TRIM37: variants seen among roughly 807,000 people sequenced by gnomAD.
TRIM37 encodes the protein tripartite motif containing 37.
A neutral mutation model predicts 129.8 loss-of-function variants in TRIM37; 80 were observed. The observed-to-expected ratio is 0.62, with a 90% CI of 0.51 to 0.74. The LOEUF (loss-of-function observed/expected upper bound fraction) is 0.74, where lower values mean the gene tolerates loss of function less well. Ranked by LOEUF, TRIM37 falls within the 30% of genes least tolerant of loss-of-function variation. The pLI is 0.00. For synonymous variants in TRIM37, 389 were observed against 387.1 expected, an observed-to-expected ratio of 1.00 and a Z score of -0.06; for missense variants, 1,054 against 1,176.5, an observed-to-expected ratio of 0.90 and a Z score of 1.52.
intron 2 of TRIM37, among the ~76,000 whole-genome samples, chr17:59,093,584 C>G (rs979183680): frequency 6.6e-6 from 1 of 152,188 alleles, no homozygotes; most frequent in Non-Finnish European, 1.5e-5. Flanking sequence ...TACTTTATTA[C>G]GACGACTTAT....
chr17:59,001,570 C>T, intron 23 of TRIM37, 28 bp downstream of exon 23: 1 of 1,613,204 alleles, frequency 6.2e-7, no homozygotes, highest in Non-Finnish European at 8.5e-7. Context: ...TTTTAGTAAT[C>T]TGTGTAAAAT....
chr17:59,019,571 G>A (rs947235532), intron 19 of TRIM37, among the ~76,000 whole-genome samples: 1 of 152,100 alleles, frequency 6.6e-6, no homozygotes, highest in Non-Finnish European at 1.5e-5. Context: ...AGCTGGGCAT[G>A]GTGGCGCACA....
the TRIM37 span, among the ~76,000 whole-genome samples, chr17:58,976,981 G>C: frequency 6.6e-6 from 1 of 151,916 alleles, no homozygotes; most frequent in African/African-American, 2.4e-5. Context: ...ATCCCATATT[G>C]GATTTTATTT....
intron 18 of TRIM37, among the ~76,000 whole-genome samples, chr17:59,030,750 T>TA (rs1224220303): frequency 6.6e-6 from 1 of 152,228 alleles, no homozygotes; most frequent in Non-Finnish European, 1.5e-5. Flanking sequence ...TGAATATTTT[T>TA]AAACATCTGC....
chr17:59,072,501 G>A (rs2042457818), intron 8 of TRIM37, among the ~76,000 whole-genome samples: 1 of 152,116 alleles, frequency 6.6e-6, no homozygotes. Flanking sequence ...GCTGAGGCGG[G>A]TGGATCACTT....
intron 19 of TRIM37, among the ~76,000 whole-genome samples, chr17:59,020,609 G>C (rs1217854400): frequency 6.6e-6 from 1 of 152,046 alleles, no homozygotes; most frequent in Admixed American, 6.6e-5. Flanking sequence ...TAATGACCAG[G>C]ATCTCAAACA....
At chr17:59,017,502 T>A in intron 19 of TRIM37, 78 bp from the exon 20 acceptor site, 1 of 1,599,696 alleles carries the variant, frequency 6.3e-7, no homozygotes, top group Non-Finnish European at 8.6e-7. Flanking sequence ...AGAAAAAGTT[T>A]TAATCTTACC....
chr17:59,078,615 T>C (rs986083124), intron 7 of TRIM37, among the ~76,000 whole-genome samples: 1 of 152,188 alleles, frequency 6.6e-6, no homozygotes, highest in Non-Finnish European at 1.5e-5. Flanking sequence ...CTTAATGAAC[T>C]TAAAGAGATC....
chr17:59,063,784 G>A (rs536480263), intron 10 of TRIM37, among the ~76,000 whole-genome samples: 1 of 152,340 alleles, frequency 6.6e-6, no homozygotes, highest in African/African-American at 2.4e-5. Context: ...GGATAGGTAA[G>A]AGGGGGCTCA....
Position 59,000,016 on chromosome 17 carries a change from G to A in TRIM37, c.2813-557C>T, listed in dbSNP as rs2033484016. Among the ~76,000 whole-genome samples the A allele has an allele frequency of 2.0e-5, 3 of 152,282 alleles. No homozygotes were observed. The South Asian group carries it at 6.2e-4, about 32-fold the overall frequency. ...ACCAGGAAAATATGCAAAATATAAA[G>A]CAGAAAATGGCATAGGCTTAACAAT... is the stretch of plus-strand genomic sequence containing the variant. On this transcript the variant is annotated intron_variant, in intron 23 of 23. Transcript: ENST00000262294.
In TRIM37 at chr17:58,998,516, C is replaced by A. The variant is rs939441140; in HGVS notation, c.*861G>T. 2.0e-6 allele frequency: 2 copies of A among 985,236 alleles called. No homozygotes were observed. Among genetic ancestry groups the A allele is most frequent in the Admixed American group, 6.2e-5 (1 of 16,260 alleles). 61.0% of individuals were successfully genotyped at this position (985,236 alleles called of 1,614,324 possible). ...AAGAAAACCTTATATCACAGTTTCA[C>A]GTTCATGTAAGCCACTGTGCAACAT... On this transcript the variant is annotated 3_prime_UTR_variant, in exon 24 of 24. Coordinates refer to ENST00000262294, the MANE Select transcript of TRIM37 (RefSeq NM_015294.6).
chr17:59,040,970 C>T (rs2039080964), intron 17 of TRIM37, among the ~76,000 whole-genome samples: 1 of 151,576 alleles, frequency 6.6e-6, no homozygotes, highest in Non-Finnish European at 1.5e-5. Flanking sequence ...GGCGTGAACC[C>T]GGGAAGCGGA....
At chr17:59,002,059 C>A (rs1598814107) in intron 22 of TRIM37, among the ~76,000 whole-genome samples, 1 of 151,768 alleles carries the variant, frequency 6.6e-6, no homozygotes, top group African/African-American at 2.4e-5. Context: ...ATAACAGGAA[C>A]TCTTTTAATC....
intron 2 of TRIM37, among the ~76,000 whole-genome samples, chr17:59,091,580 GTA>G (rs2044367864): frequency 1.2e-5 from 1 of 84,742 alleles, no homozygotes; most frequent in Non-Finnish European, 2.2e-5. Context: ...TATATATAAT[GTA>G]TAATATATTA....
rs766159217 is a variant in TRIM37, at chr17:59,070,917, A to C, written c.715T>G (p.Ser239Ala). 1 of 1,613,988 alleles carries C rather than the reference A, an allele frequency of 6.2e-7. No homozygotes were observed. The highest frequency in any genetic ancestry group is 1.1e-5 in the South Asian group (1 of 91,080). ...ATCATAAGGATCTCTGAGCTCTTAGATATCAACTCACTCTTACTACAAGAC... is the reference window on the plus strand; with the variant it reads ...ATCATAAGGATCTCTGAGCTCTTAGCTATCAACTCACTCTTACTACAAGAC... ...LRSCSKSELISKSSEILMMFQ... is the reference protein window; with the variant it reads ...LRSCSKSELIAKSSEILMMFQ... Residue 239 changes from serine to alanine, a missense_variant, in exon 9 of 24, where the codon TCT (serine) becomes GCT (alanine). By Grantham distance (99) the Ser-to-Ala change is moderately conservative. This residue lies in a region of TRIM37 where 752 missense variants were observed against 870.8 expected (regional missense o/e 0.86). Coordinates refer to ENST00000262294, the MANE Select transcript of TRIM37 (RefSeq NM_015294.6).
In TRIM37 at chr17:59,081,959, A is replaced by T. The variant is rs1176393258; in HGVS notation, c.370-740T>A. On this transcript the variant is annotated intron_variant, in intron 5 of 23. Transcript: ENST00000262294. ...AACCAAAAAAAAAAAAAAATAAAAA[A>T]AAAAAAATAATAATAATAATAATAA... Among the ~76,000 whole-genome samples the T allele has an allele frequency of 6.0e-4, 78 of 130,878 alleles. 1 individual carries two copies. The highest frequency in any genetic ancestry group is 3.4e-3 in the Admixed American group (45 of 13,298). The allele number at this position is 130,878 out of a possible 152,430, so 85.9% of individuals were successfully genotyped here. A position where few individuals can be genotyped will look rare whatever the true frequency, so the allele number is the denominator to read the frequency against.
intron 9 of TRIM37, among the ~76,000 whole-genome samples, chr17:59,068,730 A>G (rs1342800264): frequency 1.3e-5 from 2 of 152,248 alleles, no homozygotes; most frequent in African/African-American, 2.4e-5. Flanking sequence ...GAAGACTTCT[A>G]CTGGTCAATG....
rs777356078 is a variant in TRIM37, at chr17:59,084,100, T to C, written c.282-11A>G. 1.2e-6 allele frequency: 2 copies of C among 1,600,122 alleles called. No individual in the cohort carries two copies. The highest frequency in any genetic ancestry group is 1.7e-6 in the Non-Finnish European group (2 of 1,168,494). On this transcript the variant is annotated splice_polypyrimidine_tract_variant and intron_variant, in intron 4 of 23. Coordinates refer to ENST00000262294, the MANE Select transcript of TRIM37 (RefSeq NM_015294.6). ...TGGTGATTTTCACATCTATACATTA[T>C]GAAAAGAAAATGAAGTTATAAATTA...
At chr17:58,975,607 CAG>C in the TRIM37 span, among the ~76,000 whole-genome samples, 2 of 152,078 alleles carry the variant, frequency 1.3e-5, no homozygotes, top group Admixed American at 1.3e-4. Flanking sequence ...TATAAATACA[CAG>C]GGGTTTGAAA....
Sources: allele counts gnomAD v4.1 joint callset (sites outside exome capture counted in the v4.1 genomes callset), GRCh38; gene constraint gnomAD v4.1.1; regional missense constraint gnomAD v4.1.1; transcripts MANE v1.5; gene names NCBI Gene and HGNC (gene_info 2026-07-23, HGNC 2026-07-21).